The following TBC1D22A variants were observed in gnomAD, a reference collection of about 807,000 sequenced individuals.
TBC1D22A encodes TBC1 domain family member 22A.
Under a neutral mutation model 60.2 loss-of-function variants are expected in TBC1D22A, and 38 were observed. That is an observed-to-expected ratio of 0.63 (90% CI 0.49 to 0.83). The LOEUF (loss-of-function observed/expected upper bound fraction) is 0.83. Among genes scored for constraint, TBC1D22A ranks in the 40% least tolerant of loss-of-function variants. The pLI is 0.00. For synonymous variants in TBC1D22A, 302 were observed against 281.7 expected (o/e 1.07, Z -0.72); for missense variants, 628 against 701.0 (o/e 0.90, Z 1.18).
intron 4 of TBC1D22A, among the ~76,000 whole-genome samples, chr22:46,858,061 C>T (rs2087661842): frequency 6.6e-6 from 1 of 152,198 alleles, no homozygotes; most frequent in Non-Finnish European, 1.5e-5. Context: ...GACTTTCCTG[C>T]AGCTGCCACA....
Position 47,111,501 on chromosome 22 carries a change from CT to C in TBC1D22A, c.1330-3del. The C allele has an allele frequency of 6.2e-7, 1 of 1,611,204 alleles. No homozygotes were observed. The highest frequency in any genetic ancestry group is 1.1e-5 in the South Asian group (1 of 90,158). On this transcript the variant is annotated splice_region_variant and splice_polypyrimidine_tract_variant and intron_variant, in intron 11 of 12. Transcript: ENST00000337137. ...AATTTCTCTCTTGGTTATTTTTTCT[CT>C]TTTAGTCTGAACCGGACGGCTTTTC...
At chr22:46,768,484 C>CAAAAA (rs3083471) in intron 1 of TBC1D22A, among the ~76,000 whole-genome samples, 16 of 80,334 alleles carry the variant, frequency 2.0e-4, no homozygotes, top group African/African-American at 3.6e-4. Context: ...GACTCTGTCT[C>CAAAAA]AAAAAAAAAA....
rs140819765 is a variant in TBC1D22A at position 47,113,647 on chromosome 22, A to G, written c.1425+2044A>G. Among the ~76,000 whole-genome samples the G allele has an allele frequency of 4.4e-3, 670 of 152,350 alleles. 4 individuals are homozygous for G. Among genetic ancestry groups the G allele is most frequent in the Non-Finnish European group, 6.4e-3 (437 of 68,040 alleles). On this transcript the variant is annotated intron_variant, in intron 12 of 12. Transcript: ENST00000337137. ...ACCTTCAGCAAAAGGCTGTGCCTCC[A>G]TTGACGACTCCATTTCTTCTGTCTG... is the stretch of plus-strand genomic sequence containing the variant.
chr22:47,046,964 G>A (rs1448860297), intron 11 of TBC1D22A, among the ~76,000 whole-genome samples: 2 of 151,712 alleles, frequency 1.3e-5, no homozygotes, highest in Non-Finnish European at 2.9e-5. Flanking sequence ...TACTTTCTTT[G>A]GGGCATTTTT....
At chr22:46,921,864 T>G (rs1399983835) in intron 8 of TBC1D22A, among the ~76,000 whole-genome samples, 1 of 152,222 alleles carries the variant, frequency 6.6e-6, no homozygotes. Flanking sequence ...GTTGATAGTT[T>G]CTTTTGCTGT....
chr22:47,130,235 G>A (rs2066633910), intron 12 of TBC1D22A, among the ~76,000 whole-genome samples: 1 of 152,168 alleles, frequency 6.6e-6, no homozygotes, highest in African/African-American at 2.4e-5. Flanking sequence ...GGGCGTGTCT[G>A]GAGGAGCAGG....
At chr22:46,860,687 C>G (rs2087825268) in intron 4 of TBC1D22A, among the ~76,000 whole-genome samples, 3 of 152,220 alleles carry the variant, frequency 2.0e-5, no homozygotes, top group Admixed American at 6.5e-5. Context: ...AGTGCTGTGC[C>G]CCTTCCTGGC....
At chr22:47,005,231 C>G (rs763749461) in intron 10 of TBC1D22A, among the ~76,000 whole-genome samples, 3 of 151,538 alleles carry the variant, frequency 2.0e-5, no homozygotes, top group Non-Finnish European at 2.9e-5. Flanking sequence ...ACACACATGC[C>G]TATACACAGA....
At chr22:47,159,392 A>G (rs2067871212) in intron 12 of TBC1D22A, among the ~76,000 whole-genome samples, 1 of 147,692 alleles carries the variant, frequency 6.8e-6, no homozygotes, top group East Asian at 1.9e-4. Context: ...GACACACCAC[A>G]CACCACACTC....
chr22:46,849,935 T>G (rs780565175), intron 4 of TBC1D22A, among the ~76,000 whole-genome samples: 26 of 152,228 alleles, frequency 1.7e-4, no homozygotes, highest in Admixed American at 3.3e-4. Context: ...TTAGATGAAC[T>G]TGGGTAAATG....
At position 47,173,603 on chromosome 22, in the gene TBC1D22A, G is replaced by GC; in HGVS notation, c.1536dup (p.Asn513GlnfsTer29). The GC allele has an allele frequency of 6.2e-7, 1 of 1,613,938 alleles. No homozygotes were observed. Among genetic ancestry groups the GC allele is most frequent in the Non-Finnish European group, 8.5e-7 (1 of 1,179,940 alleles). On this transcript the variant is annotated frameshift_variant, in exon 13 of 13. Coordinates refer to ENST00000337137, the MANE Select transcript of TBC1D22A (RefSeq NM_014346.5). LOFTEE classifies it high-confidence loss of function. ...CCGCCTCAAGTTTGCTTTTGCCGAC[G>GC]CCCCCAATCACTACAAGAAATGAGC...
At chr22:47,102,323 G>A (rs986419766) in intron 11 of TBC1D22A, among the ~76,000 whole-genome samples, 4 of 152,054 alleles carry the variant, frequency 2.6e-5, no homozygotes, top group African/African-American at 4.8e-5. Flanking sequence ...CCACAGCCCC[G>A]GGGGCTTCTC....
intron 5 of TBC1D22A, among the ~76,000 whole-genome samples, chr22:46,879,252 C>T (rs748017195): frequency 1.7e-4 from 26 of 152,046 alleles, no homozygotes; most frequent in East Asian, 1.4e-3. Context: ...TTCTGGCTGC[C>T]GCAGCTCTGG....
At chr22:46,784,401 T>G (rs1250548778) in intron 1 of TBC1D22A, among the ~76,000 whole-genome samples, 1 of 152,206 alleles carries the variant, frequency 6.6e-6, no homozygotes, top group South Asian at 2.1e-4. Flanking sequence ...ATTATCTGAA[T>G]TGAGGTAGGT....
chr22:46,792,768 G>A (rs1222577580), intron 2 of TBC1D22A, 192 bp downstream of exon 2: 1 of 1,465,024 alleles, frequency 6.8e-7, no homozygotes, highest in Non-Finnish European at 9.0e-7. Context: ...TCCCGGTGAA[G>A]ACGGCGGATG....
chr22:47,054,761 G>T (rs1359052125), intron 11 of TBC1D22A, among the ~76,000 whole-genome samples: 1 of 152,170 alleles, frequency 6.6e-6, no homozygotes, highest in African/African-American at 2.4e-5. Context: ...GGGCAGGTCG[G>T]GCTGATGATT....
intron 7 of TBC1D22A, among the ~76,000 whole-genome samples, chr22:46,909,886 G>A (rs1019716501): frequency 6.6e-6 from 1 of 152,216 alleles, no homozygotes; most frequent in Non-Finnish European, 1.5e-5. Flanking sequence ...CTGCGCGTTG[G>A]TGACTCGTGG....
At chr22:46,978,608 TTTTGTTTG>T (rs1239379615) in intron 9 of TBC1D22A, among the ~76,000 whole-genome samples, 5 of 152,026 alleles carry the variant, frequency 3.3e-5, no homozygotes, top group Non-Finnish European at 7.4e-5. Context: ...GAAGCGTGTT[TTTTGTTTG>T]TTTGTTTGTT....
At chr22:47,104,018 G>T (rs531336496) in intron 11 of TBC1D22A, among the ~76,000 whole-genome samples, 1 of 152,286 alleles carries the variant, frequency 6.6e-6, no homozygotes, top group South Asian at 2.1e-4. Flanking sequence ...CGTCTGTAAA[G>T]AATCTTGGCT....
Sources: gnomAD v4.1 joint callset for allele counts (sites outside exome capture counted in the v4.1 genomes callset) on GRCh38, gnomAD v4.1.1 for gene constraint, MANE v1.5 for transcripts, NCBI Gene and HGNC (gene_info 2026-07-23, HGNC 2026-07-21) for gene names.